Variants in OPRM1 observed in about 807,000 individuals in gnomAD.
OPRM1 encodes mu-type opioid receptor.
A neutral mutation model predicts 31.8 loss-of-function variants in OPRM1; 27 were observed. The observed-to-expected ratio is 0.85, with a 90% CI of 0.63 to 1.17. The LOEUF (loss-of-function observed/expected upper bound fraction) is 1.17, where lower values mean the gene tolerates loss of function less well. OPRM1 is among the 50% of genes most tolerant of loss of function. The probability of loss-of-function intolerance (pLI) is 0.00; values close to 1 mark genes in which losing one functional copy is unlikely to be tolerated. For missense variants in OPRM1, 536 were observed against 511.1 expected, an observed-to-expected ratio of 1.05 and a Z score of -0.47; for synonymous variants, 196 against 189.9, an observed-to-expected ratio of 1.03 and a Z score of -0.26.
At chr6:154,017,495 T>TC (rs1778073414) in intron 1 of OPRM1, among the ~76,000 whole-genome samples, 1 of 152,138 alleles carries the variant, frequency 6.6e-6, no homozygotes, top group South Asian at 2.1e-4. Flanking sequence ...CTGAAGGCAT[T>TC]CACTCCATCT....
At chr6:154,086,764 G>A (rs1027003999) in intron 1 of OPRM1, 24 of 985,238 alleles carry the variant, frequency 2.4e-5, no homozygotes, top group South Asian at 4.7e-5. Context: ...CGAAATGTAA[G>A]GTCTGCTGGG....
chr6:154,214,268 T>G, intron 3 of OPRM1: 1 of 1,608,168 alleles, frequency 6.2e-7, no homozygotes, highest in Non-Finnish European at 8.5e-7. Flanking sequence ...TCCAAGTTTA[T>G]TTAACCACCT....
intron 1 of OPRM1, among the ~76,000 whole-genome samples, chr6:154,043,078 C>T (rs1164598340): frequency 6.6e-6 from 1 of 152,016 alleles, no homozygotes; most frequent in African/African-American, 2.4e-5. Context: ...ATTCTTTTTC[C>T]AAGGTTTGTT....
intron 3 of OPRM1, among the ~76,000 whole-genome samples, chr6:154,239,845 A>G (rs1780438117): frequency 6.6e-6 from 1 of 152,174 alleles, no homozygotes; most frequent in Admixed American, 6.5e-5. Flanking sequence ...GTGGGACTAC[A>G]GGCATATCCA....
At chr6:154,166,140 A>T (rs886424779) in intron 3 of OPRM1, among the ~76,000 whole-genome samples, 2 of 152,256 alleles carry the variant, frequency 1.3e-5, no homozygotes, top group African/African-American at 4.8e-5. Context: ...GATTGTTTGG[A>T]GTTGCTAAGC....
chr6:154,158,568 G>C (rs911108538), intron 3 of OPRM1: 2 of 152,268 alleles, frequency 1.3e-5, no homozygotes, highest in African/African-American at 4.8e-5. Flanking sequence ...AAATTTAAGA[G>C]CTCATGGGGG....
At chr6:154,170,549 C>T (rs1026149620) in intron 3 of OPRM1, among the ~76,000 whole-genome samples, 1 of 152,240 alleles carries the variant, frequency 6.6e-6, no homozygotes, top group South Asian at 2.1e-4. Context: ...AAATGTTCAT[C>T]AGCACAACCT....
At position 154,068,779 on chromosome 6, in the gene OPRM1, T is replaced by G. The variant is rs186145776; in HGVS notation, c.291-21047T>G. ...TGTGCAATTAGTTTTTTGAAGCACC[T>G]CCACAGTGTTTTCCATAATGGCTCT... On this transcript the variant is annotated intron_variant, in intron 1 of 3. Transcript: ENST00000330432. Among the ~76,000 whole-genome samples, 7 of 152,348 alleles carry G rather than the reference T, an allele frequency of 4.6e-5. No homozygotes were observed. The East Asian group carries it at 1.3e-3, about 29-fold the overall frequency.
rs1158359086 is a variant in OPRM1 at position 154,128,611 on chromosome 6, T to G, written c.*9890T>G. On this transcript the variant is annotated 3_prime_UTR_variant, in exon 4 of 4. Coordinates refer to ENST00000330432, the MANE Select transcript of OPRM1 (RefSeq NM_000914.5). ...AAACTCACAGTAGGAAATTGAGAGA[T>G]CAATTTGGTTACTGTTTTATCATTG... 6.6e-6 allele frequency among the ~76,000 whole-genome samples: 1 copy of G among 152,184 alleles called. No individual in the cohort carries two copies. Among genetic ancestry groups the G allele is most frequent in the Non-Finnish European group, 1.5e-5 (1 of 68,034 alleles).
At chr6:154,155,934 G>A (rs1798695618) in intron 3 of OPRM1, 4 of 152,168 alleles carry the variant, frequency 2.6e-5, no homozygotes, top group Admixed American at 6.5e-5. Context: ...TGACTGGAGT[G>A]CTACCTGAGT....
chr6:154,023,609 C>T (rs1409435057), intron 1 of OPRM1, among the ~76,000 whole-genome samples: 2 of 152,138 alleles, frequency 1.3e-5, no homozygotes, highest in Non-Finnish European at 2.9e-5. Flanking sequence ...TGAAAATGAG[C>T]ATCCCTGCCA....
At chr6:154,056,986 A>T (rs1783437911) in intron 1 of OPRM1, among the ~76,000 whole-genome samples, 1 of 152,254 alleles carries the variant, frequency 6.6e-6, no homozygotes, top group Non-Finnish European at 1.5e-5. Flanking sequence ...GATAGCATTA[A>T]TTGAAATCCT....
In OPRM1 at chr6:154,108,879, A is replaced by G. The variant is rs34402358; in HGVS notation, c.1165-9804A>G. ...ACTAGAAGTGTTCTCTAAAATTAAA[A>G]ATACAGTAGTTACTAGAGAAAAATT... On this transcript the variant is annotated intron_variant, in intron 3 of 3. Transcript: ENST00000330432. 2.2e-3 allele frequency: 2,189 copies of G among 984,796 alleles called. 35 individuals carry two copies. The African/African-American group carries it at 0.036, about 16-fold the overall frequency. 61.0% of individuals were successfully genotyped at this position (984,796 alleles called of 1,614,324 possible). A position where few individuals can be genotyped will look rare whatever the true frequency, so the allele number is the denominator to read the frequency against.
intron 1 of OPRM1, among the ~76,000 whole-genome samples, chr6:154,060,632 C>T (rs1370009943): frequency 1.3e-5 from 2 of 152,106 alleles, no homozygotes; most frequent in Admixed American, 6.6e-5. Context: ...AACTGACAAA[C>T]ACTGAGAGAA....
intron 1 of OPRM1, among the ~76,000 whole-genome samples, chr6:154,084,222 T>G (rs1392851002): frequency 6.6e-6 from 1 of 152,134 alleles, no homozygotes; most frequent in Admixed American, 6.5e-5. Context: ...TTGAAATAAA[T>G]GTAAATTAAA....
intron 1 of OPRM1, among the ~76,000 whole-genome samples, chr6:154,020,434 C>CT (rs1337868662): frequency 6.6e-6 from 1 of 152,096 alleles, no homozygotes; most frequent in African/African-American, 2.4e-5. Context: ...TCCCTAATGT[C>CT]TAAAGTCCCC....
intron 3 of OPRM1, chr6:154,159,219 G>C (rs1004820756): frequency 2.2e-4 from 33 of 153,220 alleles, no homozygotes; most frequent in African/African-American, 8.0e-4. Context: ...TGAATGAGTG[G>C]AATATGGAAC....
chr6:154,237,767 G>GAATGATGA (rs1422185584), intron 3 of OPRM1, among the ~76,000 whole-genome samples: 5 of 152,008 alleles, frequency 3.3e-5, no homozygotes, highest in African/African-American at 1.2e-4. Flanking sequence ...CTTGCTTCAA[G>GAATGATGA]AATGATGAAA....
chr6:154,239,150 G>A (rs915729375), intron 3 of OPRM1, among the ~76,000 whole-genome samples: 1 of 152,106 alleles, frequency 6.6e-6, no homozygotes, highest in Non-Finnish European at 1.5e-5. Context: ...CTGGCTCTCG[G>A]TGTTCCACAG....
Sources: allele counts gnomAD v4.1 joint callset (sites outside exome capture counted in the v4.1 genomes callset), GRCh38; gene constraint gnomAD v4.1.1; transcripts MANE v1.5; gene names NCBI Gene and HGNC (gene_info 2026-07-23, HGNC 2026-07-21).